The following NRXN1 variants were observed in gnomAD, a reference collection of about 807,000 sequenced individuals.
The protein encoded by NRXN1 is neurexin-1.
NRXN1 carries 39 observed loss-of-function variants against 150.9 expected under a neutral mutation model. The observed-to-expected ratio is 0.26, with a 90% confidence interval of 0.20 to 0.34. The LOEUF is 0.34. NRXN1 is among the 10% of genes least tolerant of loss of function. The pLI, the probability that NRXN1 is intolerant of heterozygous loss-of-function variation, is 1.00. For missense variants in NRXN1, 1,815 were observed against 1,949.9 expected, an observed-to-expected ratio of 0.93 and a Z score of 1.30; for synonymous variants, 924 against 757.0, an observed-to-expected ratio of 1.22 and a Z score of -3.62.
chr2:50,860,149 T>C (rs968255674), intron 5 of NRXN1, among the ~76,000 whole-genome samples: 1 of 150,144 alleles, frequency 6.7e-6, no homozygotes, highest in African/African-American at 2.4e-5. Context: ...TCTCAATCAA[T>C]CAACAATTAT....
rs569323350 is a variant in NRXN1, at chr2:50,504,747, C to T, written c.2497+1748G>A. 7.2e-5 allele frequency among the ~76,000 whole-genome samples: 11 copies of T among 152,232 alleles called. No individual in the cohort carries two copies. The South Asian group carries it at 2.3e-3, about 32-fold the overall frequency. On this transcript the variant is annotated intron_variant, in intron 13 of 22. Coordinates refer to ENST00000401669, the MANE Select transcript of NRXN1 (RefSeq NM_001330078.2). ...GTTTAAGTGCAGTGACTTCCAATTT[C>T]CTGAAAGTCTACGAAATATAAACTA...
chr2:50,190,184 A>G (rs1368545820), intron 18 of NRXN1, among the ~76,000 whole-genome samples: 1 of 152,206 alleles, frequency 6.6e-6, no homozygotes, highest in Non-Finnish European at 1.5e-5. Flanking sequence ...ATCTCCAATT[A>G]TCACAGGAAA....
At chr2:49,927,814 T>C (rs1669367215) in intron 22 of NRXN1, among the ~76,000 whole-genome samples, 1 of 152,170 alleles carries the variant, frequency 6.6e-6, no homozygotes, top group Admixed American at 6.5e-5. Flanking sequence ...CAAATTGTCA[T>C]TTTTATGAAA....
intron 14 of NRXN1, 97 bp downstream of exon 14, chr2:50,497,236 T>A: frequency 1.1e-6 from 1 of 920,596 alleles, no homozygotes; most frequent in Non-Finnish European, 1.5e-6. Context: ...CCCACCACCT[T>A]ATGAGCCAGT....
In NRXN1 at chr2:50,622,655, A is replaced by G. The variant is rs112618047; in HGVS notation, c.1134+659T>C. On this transcript the variant is annotated intron_variant, in intron 6 of 22. Transcript: ENST00000401669. ...AATAGTTGATATTTTCCTAGTATAT[A>G]GCATCTTGAAAAAGTTTTTTTAAAA... 9.2e-5 allele frequency among the ~76,000 whole-genome samples: 14 copies of G among 152,314 alleles called. 1 individual carries two copies. Among genetic ancestry groups the G allele is most frequent in the African/African-American group, 3.1e-4 (13 of 41,582 alleles).
intron 8 of NRXN1, among the ~76,000 whole-genome samples, chr2:50,612,847 C>T (rs1029946282): frequency 1.4e-4 from 21 of 152,212 alleles, no homozygotes; most frequent in Admixed American, 5.9e-4. Flanking sequence ...TATTAACCTG[C>T]GTGCGTTATT....
chr2:50,896,361 G>A (rs1681951818), intron 5 of NRXN1, among the ~76,000 whole-genome samples: 1 of 152,144 alleles, frequency 6.6e-6, no homozygotes, highest in South Asian at 2.1e-4. Context: ...TCAGATAACA[G>A]CACTGACAAA....
chr2:50,445,452 GCT>G (rs2086319527), intron 17 of NRXN1, among the ~76,000 whole-genome samples: 1 of 152,110 alleles, frequency 6.6e-6, no homozygotes, highest in Non-Finnish European at 1.5e-5. Flanking sequence ...TTACAAGGAG[GCT>G]GTGTCCAATC....
chr2:50,421,154 A>C (rs1398839750), intron 17 of NRXN1, among the ~76,000 whole-genome samples: 2 of 152,054 alleles, frequency 1.3e-5, no homozygotes, highest in Non-Finnish European at 2.9e-5. Flanking sequence ...TTCATGTCAA[A>C]GGACTTTTAC....
At chr2:50,422,830 G>A (rs1451990603) in intron 17 of NRXN1, among the ~76,000 whole-genome samples, 1 of 152,142 alleles carries the variant, frequency 6.6e-6, no homozygotes, top group Non-Finnish European at 1.5e-5. Flanking sequence ...GCAGTTACGT[G>A]GATAAATCTT....
At chr2:50,576,128 T>C (rs1052602685) in intron 8 of NRXN1, among the ~76,000 whole-genome samples, 2 of 152,176 alleles carry the variant, frequency 1.3e-5, no homozygotes, top group Non-Finnish European at 2.9e-5. Context: ...TATGTTTCCA[T>C]ACACATATTT....
rs755993355 is a variant in NRXN1 at position 49,968,233 on chromosome 2, T to C, written c.4129-24442A>G. 3.0e-4 allele frequency among the ~76,000 whole-genome samples: 45 copies of C among 152,060 alleles called. 1 individual carries two copies. Among genetic ancestry groups the C allele is most frequent in the Admixed American group, 2.6e-4 (4 of 15,250 alleles). On this transcript the variant is annotated intron_variant, in intron 21 of 22. Coordinates refer to ENST00000401669, the MANE Select transcript of NRXN1 (RefSeq NM_001330078.2). ...AGCAATTTATAAGAACGCTCAATTA[T>C]ACCCTAAGGGTCTGAGACAGTTATG...
intron 2 of NRXN1, chr2:50,964,024 A>AT (rs1410468135): frequency 2.3e-6 from 1 of 430,446 alleles, no homozygotes; most frequent in Non-Finnish European, 4.7e-6. Context: ...TCAGCATTTA[A>AT]TTTTTTGCCT....
chr2:50,955,078 T>A (rs114934424), intron 2 of NRXN1, among the ~76,000 whole-genome samples: 26 of 152,202 alleles, frequency 1.7e-4, no homozygotes, highest in African/African-American at 6.3e-4. Flanking sequence ...CATCTCTCTC[T>A]CTCTATCTCT....
intron 8 of NRXN1, among the ~76,000 whole-genome samples, chr2:50,560,536 A>T (rs1361869707): frequency 6.6e-6 from 1 of 151,982 alleles, no homozygotes; most frequent in Non-Finnish European, 1.5e-5. Context: ...AGGTACAAGC[A>T]ATTCTCCTGC....
At chr2:50,296,332 C>G (rs1359488265) in intron 17 of NRXN1, among the ~76,000 whole-genome samples, 1 of 152,126 alleles carries the variant, frequency 6.6e-6, no homozygotes, top group Non-Finnish European at 1.5e-5. Context: ...GCAATTGCCA[C>G]AAGAGTTGTG....
chr2:50,266,536 T>TACACACACAC (rs67570666), intron 17 of NRXN1, among the ~76,000 whole-genome samples: 117 of 112,794 alleles, frequency 1.0e-3, no homozygotes, highest in African/African-American at 3.6e-3. Flanking sequence ...TGTATATAAA[T>TACACACACAC]ACACACACAC....
intron 18 of NRXN1, among the ~76,000 whole-genome samples, chr2:50,096,880 A>G (rs1700299038): frequency 6.6e-6 from 1 of 152,262 alleles, no homozygotes; most frequent in South Asian, 2.1e-4. Context: ...CATATGAAAT[A>G]ACATATGCAC....
chr2:50,983,092 T>C (rs991269486), intron 2 of NRXN1, among the ~76,000 whole-genome samples: 1 of 152,144 alleles, frequency 6.6e-6, no homozygotes, highest in African/African-American at 2.4e-5. Context: ...TCTAAATTTG[T>C]TACATTAGAA....
Sources: gnomAD v4.1 joint callset for allele counts (sites outside exome capture counted in the v4.1 genomes callset) on GRCh38, gnomAD v4.1.1 for gene constraint, MANE v1.5 for transcripts, NCBI Gene and HGNC (gene_info 2026-07-23, HGNC 2026-07-21) for gene names.